The following AAK1 variants were observed in gnomAD, a reference collection of about 807,000 sequenced individuals.
AAK1 encodes AP2 associated kinase 1, also known as AP2-associated protein kinase 1.
AAK1 carries 37 observed loss-of-function variants against 116.0 expected under a neutral mutation model. The ratio of observed to expected loss-of-function variants is 0.32; its 90% CI spans 0.25 to 0.42. The LOEUF is 0.42. AAK1 is among the 10% of genes least tolerant of loss of function. AAK1 has a pLI of 1.00. For synonymous variants in AAK1, 458 were observed against 439.9 expected, an observed-to-expected ratio of 1.04 and a Z score of -0.51; for missense variants, 919 against 1,170.6, an observed-to-expected ratio of 0.79 and a Z score of 3.14.
chr2:69,546,820 G>T (rs1670945394), intron 3 of AAK1, among the ~76,000 whole-genome samples: 4 of 145,080 alleles, frequency 2.8e-5, no homozygotes, highest in Admixed American at 7.0e-5. Flanking sequence ...GATGTTACTG[G>T]TTAACATCTG....
chr2:69,476,160 C>T (rs554521073), intron 21 of AAK1, among the ~76,000 whole-genome samples, 197 bp from the exon 22 acceptor site: 49 of 152,296 alleles, frequency 3.2e-4, no homozygotes, highest in African/African-American at 1.1e-3. Flanking sequence ...AGTTAGCTGT[C>T]CACCACCTCC....
intron 2 of AAK1, among the ~76,000 whole-genome samples, chr2:69,575,579 C>T (rs1672280038): frequency 6.6e-6 from 1 of 151,570 alleles, no homozygotes; most frequent in Non-Finnish European, 1.5e-5. Context: ...GGCGATTCTC[C>T]TGCCTCAGCC....
At chr2:69,595,263 C>A (rs1483698997) in intron 2 of AAK1, among the ~76,000 whole-genome samples, 1 of 152,068 alleles carries the variant, frequency 6.6e-6, no homozygotes, top group African/African-American at 2.4e-5. Flanking sequence ...CAGGCACGCA[C>A]CACCACACCT....
chr2:69,607,555 T>G (rs1035943050), intron 2 of AAK1, among the ~76,000 whole-genome samples: 2 of 152,214 alleles, frequency 1.3e-5, no homozygotes, highest in African/African-American at 2.4e-5. Context: ...GGGTAACGAC[T>G]ACTGCTAGCT....
chr2:69,535,256 T>C (rs1310189759), intron 5 of AAK1, among the ~76,000 whole-genome samples: 1 of 152,196 alleles, frequency 6.6e-6, no homozygotes, highest in African/African-American at 2.4e-5. Context: ...ATGCTTGAGG[T>C]GGCAGATACC....
intron 5 of AAK1, among the ~76,000 whole-genome samples, chr2:69,537,900 T>C (rs1283072192): frequency 6.6e-6 from 1 of 152,228 alleles, no homozygotes; most frequent in Non-Finnish European, 1.5e-5. Flanking sequence ...AATCCAGGCC[T>C]CTTCCCATGG....
intron 13 of AAK1, 27 bp from the exon 14 acceptor site, chr2:69,509,487 T>C: frequency 6.5e-7 from 1 of 1,549,848 alleles, no homozygotes; most frequent in Non-Finnish European, 8.7e-7. Context: ...CGGAAAGTGT[T>C]TCATTAAATT....
Position 69,459,879 on chromosome 2 carries a change from T to G in AAK1, c.*15990A>C, listed in dbSNP as rs1317034374. 6.6e-6 allele frequency: 1 copy of G among 152,032 alleles called. No individual in the cohort carries two copies. Among genetic ancestry groups the G allele is most frequent in the Non-Finnish European group, 1.5e-5 (1 of 68,010 alleles). The allele number at this position is 152,032 out of a possible 1,614,324, so 9.4% of individuals were successfully genotyped here. ...TCAGTAACAAACTTGCAAGTGTTCTTGGTGGTTAAAAAACAAAACAAAACT... is the reference window on the plus strand; with the variant it reads ...TCAGTAACAAACTTGCAAGTGTTCTGGGTGGTTAAAAAACAAAACAAAACT... On this transcript the variant is annotated 3_prime_UTR_variant, in exon 22 of 22. Coordinates refer to ENST00000409085, the MANE Select transcript of AAK1 (RefSeq NM_014911.5).
chr2:69,573,892 G>A (rs1672189903), intron 2 of AAK1, among the ~76,000 whole-genome samples: 1 of 152,022 alleles, frequency 6.6e-6, no homozygotes, highest in Non-Finnish European at 1.5e-5. Context: ...TCAGCTGCTT[G>A]GGAGGCTGAG....
rs181965927 is a variant in AAK1, at chr2:69,496,397, G to A, written c.2270-317C>T. On this transcript the variant is annotated intron_variant, in intron 16 of 21. Transcript: ENST00000409085. ...AGCGATTCTCCTGCCTCAGCCTCCT[G>A]AGTCGCCAGGCGCCTGCCACCACGC... Among the ~76,000 whole-genome samples the A allele has an allele frequency of 3.8e-4, 57 of 151,072 alleles. 1 individual carries two copies. In the East Asian group the frequency reaches 0.011, roughly 30 times the overall value.
chr2:69,605,059 C>T (rs551570060), intron 2 of AAK1, among the ~76,000 whole-genome samples: 1 of 152,166 alleles, frequency 6.6e-6, no homozygotes, highest in Non-Finnish European at 1.5e-5. Context: ...ATGTCTCACC[C>T]GGGCTTTTAC....
chr2:69,553,336 G>A (rs1671254209), intron 3 of AAK1, among the ~76,000 whole-genome samples: 1 of 151,656 alleles, frequency 6.6e-6, no homozygotes, highest in African/African-American at 2.4e-5. Context: ...TAGTAGAACG[G>A]TGCTTTAAAA....
chr2:69,525,757 A>G (rs1040675085), intron 9 of AAK1, among the ~76,000 whole-genome samples: 1 of 152,224 alleles, frequency 6.6e-6, no homozygotes. Context: ...ACAAGTGCTT[A>G]CCACTACTGA....
At position 69,463,246 on chromosome 2, in the gene AAK1, C is replaced by G. The variant is rs902692081; in HGVS notation, c.*12623G>C. 1 of 152,242 alleles carries G rather than the reference C, an allele frequency of 6.6e-6. No homozygotes were observed. The highest frequency in any genetic ancestry group is 1.5e-5 in the Non-Finnish European group (1 of 68,044). The allele number at this position is 152,242 out of a possible 1,614,324, so 9.4% of individuals were successfully genotyped here. On this transcript the variant is annotated 3_prime_UTR_variant, in exon 22 of 22. Coordinates refer to ENST00000409085, the MANE Select transcript of AAK1 (RefSeq NM_014911.5). The stretch of plus-strand genomic sequence containing the variant: ...ACAGCTAATGGAAAAATCACTTAAC[C>G]TTTACTAGAAGTAACAGAAAGCATT...
intron 14 of AAK1, 88 bp from the exon 15 acceptor site, chr2:69,507,666 C>A (rs1196475644): frequency 4.5e-5 from 52 of 1,150,742 alleles, no homozygotes; most frequent in East Asian, 5.6e-5. Context: ...GTTTCAGAAT[C>A]AAATTATTTT....
Position 69,519,018 on chromosome 2 carries a change from G to GGCTGTTGCTGCT in AAK1, c.1421_1432dup (p.Gln474_Gln477dup), listed in dbSNP as rs955491799. The GGCTGTTGCTGCT allele has an allele frequency of 3.2e-6, 5 of 1,549,778 alleles. No homozygotes were observed. Among genetic ancestry groups the GGCTGTTGCTGCT allele is most frequent in the African/African-American group, 1.4e-5 (1 of 72,984 alleles). ...TGCCGGCTGCTGCTGTGCTGGCGGT[G>GGCTGTTGCTGCT]GCTGTTGCTGCTGCTGTTGCTGCTT... On this transcript the variant is annotated inframe_insertion, in exon 12 of 22. Coordinates refer to ENST00000409085, the MANE Select transcript of AAK1 (RefSeq NM_014911.5).
intron 4 of AAK1, among the ~76,000 whole-genome samples, chr2:69,543,483 C>T (rs902499022): frequency 1.3e-5 from 2 of 152,140 alleles, no homozygotes; most frequent in Non-Finnish European, 2.9e-5. Flanking sequence ...TCTCAGCTCA[C>T]TGCAACCTCC....
intron 2 of AAK1, chr2:69,598,270 A>C (rs1032368968): frequency 2.1e-5 from 8 of 388,180 alleles, no homozygotes; most frequent in African/African-American, 1.7e-4. Flanking sequence ...TTATCCTCTG[A>C]GTAACAATTA....
chr2:69,562,584 C>T (rs890683036), intron 2 of AAK1, among the ~76,000 whole-genome samples: 1 of 152,098 alleles, frequency 6.6e-6, no homozygotes, highest in African/African-American at 2.4e-5. Flanking sequence ...AGATCATGGT[C>T]TTCAGACTTT....
Sources: gnomAD v4.1 joint callset for allele counts (sites outside exome capture counted in the v4.1 genomes callset) on GRCh38, gnomAD v4.1.1 for gene constraint, MANE v1.5 for transcripts, NCBI Gene and HGNC (gene_info 2026-07-23, HGNC 2026-07-21) for gene names.